Variants in DLGAP1 observed in about 807,000 individuals in gnomAD.
DLGAP1 encodes the protein DLG associated protein 1.
A neutral mutation model predicts 90.8 loss-of-function variants in DLGAP1; 11 were observed. The ratio of observed to expected loss-of-function variants is 0.12; its 90% CI spans 0.08 to 0.20. DLGAP1 has a LOEUF of 0.20. Ranked by LOEUF, DLGAP1 falls within the 10% of genes least tolerant of loss-of-function variation. The pLI is 1.00. For missense variants in DLGAP1, 1,050 were observed against 1,333.8 expected (o/e 0.79, Z 3.31); for synonymous variants, 558 against 540.7 (o/e 1.03, Z -0.44).
intron 1 of DLGAP1, among the ~76,000 whole-genome samples, chr18:4,317,253 A>C (rs2143542861): frequency 6.6e-6 from 1 of 152,336 alleles, no homozygotes; most frequent in South Asian, 2.1e-4. Context: ...TAGGGCCGTC[A>C]CATCCTTGTT....
chr18:3,695,814 A>T (rs1003259522), intron 7 of DLGAP1, among the ~76,000 whole-genome samples: 2 of 152,138 alleles, frequency 1.3e-5, no homozygotes, highest in Admixed American at 1.3e-4. Context: ...TTTTCATGAT[A>T]TTGATTCTTC....
chr18:3,891,710 T>C (rs980173798), intron 3 of DLGAP1, among the ~76,000 whole-genome samples: 12 of 152,312 alleles, frequency 7.9e-5, no homozygotes, highest in Admixed American at 1.3e-4. Context: ...GACTAGTCTC[T>C]GGATAAGAAA....
rs929640710 is a variant in DLGAP1 at position 3,901,053 on chromosome 18, T to A, written c.-72-20913A>T. Among the ~76,000 whole-genome samples the A allele has an allele frequency of 3.3e-5, 5 of 152,132 alleles. No individual in the cohort carries two copies. In the East Asian group the frequency reaches 9.7e-4, roughly 30 times the overall value. ...TGCGCAGCTTGACAGCCCCTCGTGA[T>A]CTTGCTGTGAACGCCCTCCACCCTC... On this transcript the variant is annotated intron_variant, in intron 3 of 12. Coordinates refer to ENST00000315677, the MANE Select transcript of DLGAP1 (RefSeq NM_004746.4).
intron 2 of DLGAP1, among the ~76,000 whole-genome samples, chr18:4,034,370 T>C (rs1477243567): frequency 6.6e-6 from 1 of 152,116 alleles, no homozygotes. Context: ...TTTGTCACTG[T>C]ATCCATTTTA....
intron 2 of DLGAP1, among the ~76,000 whole-genome samples, chr18:4,018,775 T>C (rs1363117692): frequency 6.6e-6 from 1 of 152,234 alleles, no homozygotes; most frequent in Non-Finnish European, 1.5e-5. Context: ...TAGATATCTG[T>C]ATTATGACTT....
rs1205566983 is a variant in DLGAP1, at chr18:3,526,886, A to C, written c.2479+7308T>G. Among the ~76,000 whole-genome samples the C allele has an allele frequency of 6.6e-6, 1 of 152,052 alleles. No homozygotes were observed. Among genetic ancestry groups the C allele is most frequent in the East Asian group, 1.9e-4 (1 of 5,186 alleles). On this transcript the variant is annotated intron_variant, in intron 10 of 12. Coordinates refer to ENST00000315677, the MANE Select transcript of DLGAP1 (RefSeq NM_004746.4). The surrounding 1 kb of genome is among the most constrained non-coding windows in gnomAD (Gnocchi z 4.7). ...TCATTGTCTGAGAAGAGCTCGTATC[A>C]TTTTACTTCAAGTGCTGCGGGAACA...
intron 2 of DLGAP1, among the ~76,000 whole-genome samples, chr18:4,095,893 G>A (rs1267024118): frequency 6.6e-6 from 1 of 151,884 alleles, no homozygotes; most frequent in East Asian, 1.9e-4. Context: ...GGGGTAGGCG[G>A]AATCTTCGAA....
chr18:4,388,129 T>C lies in DLGAP1; in HGVS notation c.-267+66877A>G, dbSNP rs539663563. ...ATAAACAGTGAGCTAAAGTCATATTTAAATCTTTGCAATATTTCAAGAGAC... is the reference window on the plus strand; with the variant it reads ...ATAAACAGTGAGCTAAAGTCATATTCAAATCTTTGCAATATTTCAAGAGAC... On this transcript the variant is annotated intron_variant, in intron 1 of 12. Coordinates refer to ENST00000315677, the MANE Select transcript of DLGAP1 (RefSeq NM_004746.4). 2.3e-3 allele frequency among the ~76,000 whole-genome samples: 347 copies of C among 152,176 alleles called. 2 individuals carry two copies. Among genetic ancestry groups the C allele is most frequent in the African/African-American group, 7.9e-3 (328 of 41,514 alleles).
chr18:3,658,013 C>T (rs573396228), intron 7 of DLGAP1, among the ~76,000 whole-genome samples: 17 of 152,230 alleles, frequency 1.1e-4, no homozygotes, highest in African/African-American at 4.1e-4. Flanking sequence ...GCCCTTTTCC[C>T]AACAAACTTA....
chr18:4,309,061 C>A (rs1203062248), intron 1 of DLGAP1, among the ~76,000 whole-genome samples: 1 of 152,166 alleles, frequency 6.6e-6, no homozygotes, highest in Non-Finnish European at 1.5e-5. Context: ...ATATTCCATA[C>A]ACTGTAGGCC....
chr18:4,027,195 G>A (rs2074714474), intron 2 of DLGAP1, among the ~76,000 whole-genome samples: 1 of 151,896 alleles, frequency 6.6e-6, no homozygotes, highest in Admixed American at 6.6e-5. Context: ...TCTGAGGCTC[G>A]CTTCCCCATT....
intron 3 of DLGAP1, among the ~76,000 whole-genome samples, chr18:3,975,368 C>G (rs930563702): frequency 6.6e-6 from 1 of 152,102 alleles, no homozygotes; most frequent in Admixed American, 6.5e-5. Context: ...CATCACTAAT[C>G]ATTAGGGCAA....
intron 7 of DLGAP1, among the ~76,000 whole-genome samples, chr18:3,656,821 AC>A (rs1567909344): frequency 6.6e-6 from 1 of 151,510 alleles, no homozygotes; most frequent in East Asian, 1.9e-4. Context: ...ATCTCGGCTC[AC>A]TGCAACCTCT....
At chr18:4,416,871 C>A (rs544220773) in intron 1 of DLGAP1, among the ~76,000 whole-genome samples, 1 of 152,274 alleles carries the variant, frequency 6.6e-6, no homozygotes, top group South Asian at 2.1e-4. Context: ...CACTTTCACT[C>A]TTTTATTTTT....
rs1055157404 is a variant in DLGAP1, at chr18:3,565,654, G to A, written c.2057+1836C>T. Reference sequence around the variant, plus strand: ...GATCGAAACCATCCTGGCCAACATGGTGAAACCCCGTCTCTCTTAAAAATA... The same window carrying A: ...GATCGAAACCATCCTGGCCAACATGATGAAACCCCGTCTCTCTTAAAAATA... On this transcript the variant is annotated intron_variant, in intron 9 of 12. Transcript: ENST00000315677. The surrounding 1 kb of genome is among the most constrained non-coding windows in gnomAD (Gnocchi z 4.0). 2.0e-5 allele frequency among the ~76,000 whole-genome samples: 3 copies of A among 151,422 alleles called. No homozygotes were observed. Among genetic ancestry groups the A allele is most frequent in the Non-Finnish European group, 2.9e-5 (2 of 67,890 alleles).
chr18:3,799,499 CT>C (rs36090682), intron 5 of DLGAP1, among the ~76,000 whole-genome samples: 5,149 of 144,058 alleles, frequency 0.036, 98 homozygotes, highest in South Asian at 0.071. Context: ...AACGTAGTGC[CT>C]TTTTTTTTTT....
chr18:4,005,287 C>A (rs1028846562), intron 2 of DLGAP1, 86 bp from the exon 3 acceptor site: 1 of 152,018 alleles, frequency 6.6e-6, no homozygotes, highest in Non-Finnish European at 1.5e-5. Flanking sequence ...AATTTAGGAG[C>A]GCCCTATGAC....
At chr18:4,434,441 C>T (rs1162549435) in intron 1 of DLGAP1, among the ~76,000 whole-genome samples, 1 of 152,114 alleles carries the variant, frequency 6.6e-6, no homozygotes, top group African/African-American at 2.4e-5. Context: ...AACCCTGGTT[C>T]TCCTTGAATC....
At chr18:4,236,094 C>T (rs2078409204) in intron 1 of DLGAP1, among the ~76,000 whole-genome samples, 2 of 152,126 alleles carry the variant, frequency 1.3e-5, no homozygotes. Flanking sequence ...CAAATCTTGC[C>T]TCAGCCACTT....
Sources: gnomAD v4.1 joint callset for allele counts (sites outside exome capture counted in the v4.1 genomes callset) on GRCh38, gnomAD v4.1.1 for gene constraint, Gnocchi (gnomAD v3.1) non-coding constraint, MANE v1.5 for transcripts, NCBI Gene and HGNC (gene_info 2026-07-23, HGNC 2026-07-21) for gene names.